The following FRYL variants were observed in gnomAD, a reference collection of about 807,000 sequenced individuals.
FRYL encodes protein furry homolog-like.
A neutral mutation model predicts 351.2 loss-of-function variants in FRYL; 150 were observed. That is an observed-to-expected ratio of 0.43 (90% CI 0.37 to 0.49). The LOEUF is 0.49. FRYL is among the 20% of genes least tolerant of loss of function. The pLI is 0.00. For missense variants in FRYL, 3,036 were observed against 3,619.3 expected, an observed-to-expected ratio of 0.84 and a Z score of 4.13; for synonymous variants, 1,153 against 1,257.1, an observed-to-expected ratio of 0.92 and a Z score of 1.75.
chr4:48,665,114 G>GT (rs1172930868), intron 3 of FRYL, among the ~76,000 whole-genome samples: 1 of 152,152 alleles, frequency 6.6e-6, no homozygotes, highest in Non-Finnish European at 1.5e-5. Flanking sequence ...TTGGGGTGTG[G>GT]TTACCTATGC....
chr4:48,727,626 TGAATATCA>T (rs1770227319), intron 1 of FRYL: 1 of 152,140 alleles, frequency 6.6e-6, no homozygotes, highest in African/African-American at 2.4e-5. Flanking sequence ...GTTCTCACAG[TGAATATCA>T]GAAAAATCCC....
At chr4:48,548,511 T>C (rs1385630364) in intron 40 of FRYL, among the ~76,000 whole-genome samples, 179 bp downstream of exon 40, 1 of 152,082 alleles carries the variant, frequency 6.6e-6, no homozygotes, top group Non-Finnish European at 1.5e-5. Context: ...TTGTTTGTGG[T>C]TAGAAGAGGG....
At chr4:48,512,894 A>C (rs1425546756) in intron 56 of FRYL, among the ~76,000 whole-genome samples, 2 of 152,124 alleles carry the variant, frequency 1.3e-5, no homozygotes, top group Non-Finnish European at 2.9e-5. Flanking sequence ...TAGAATTAGA[A>C]CTCTAATTTC....
intron 58 of FRYL, 137 bp downstream of exon 58, chr4:48,510,698 G>A: frequency 1.4e-6 from 1 of 713,982 alleles, no homozygotes; most frequent in East Asian, 2.7e-5. Flanking sequence ...TAGAATTGTA[G>A]TTTGCCACAT....
At chr4:48,514,947 C>A in intron 56 of FRYL, 81 bp downstream of exon 56, 1 of 1,228,586 alleles carries the variant, frequency 8.1e-7, no homozygotes, top group Non-Finnish European at 1.1e-6. Context: ...AGTAAGTAAA[C>A]TGAAACAGAG....
intron 3 of FRYL, among the ~76,000 whole-genome samples, chr4:48,650,545 T>C (rs554011409): frequency 6.6e-6 from 1 of 152,118 alleles, no homozygotes; most frequent in South Asian, 2.1e-4. Context: ...TAAAAATCAT[T>C]GCGATGCAGG....
chr4:48,650,796 T>C (rs1757458646), intron 3 of FRYL, among the ~76,000 whole-genome samples: 1 of 152,000 alleles, frequency 6.6e-6, no homozygotes, highest in Admixed American at 6.5e-5. Flanking sequence ...ACAGGACCAA[T>C]ATGGAAGCTG....
At chr4:48,675,550 T>C (rs1763498411) in intron 3 of FRYL, among the ~76,000 whole-genome samples, 1 of 152,234 alleles carries the variant, frequency 6.6e-6, no homozygotes, top group Non-Finnish European at 1.5e-5. Context: ...TGCGCTCGAT[T>C]TCTCACCGAG....
At chr4:48,777,701 T>C (rs1216255259) in intron 1 of FRYL, among the ~76,000 whole-genome samples, 1 of 152,264 alleles carries the variant, frequency 6.6e-6, no homozygotes, top group Non-Finnish European at 1.5e-5. Flanking sequence ...GAAATTCTTT[T>C]ATTGTTTAAA....
chr4:48,625,606 T>C (rs536149243), intron 4 of FRYL, among the ~76,000 whole-genome samples: 2 of 152,300 alleles, frequency 1.3e-5, no homozygotes, highest in South Asian at 4.1e-4. Context: ...CCAGAGATGA[T>C]TTAAAGTATA....
rs746897561 is a variant in FRYL at position 48,606,579 on chromosome 4, C to T, written c.600G>A (p.Val200=). 2.4e-5 allele frequency: 39 copies of T among 1,610,662 alleles called. No individual in the cohort carries two copies. Among genetic ancestry groups the T allele is most frequent in the Non-Finnish European group, 2.5e-5 (29 of 1,177,780 alleles). The change falls in exon 10 of 64, where the codon GTG becomes GTA. Residue 200 remains valine, a synonymous_variant. Transcript: ENST00000358350. ...TTTGTCGCAGTTCTTTTAATTCTGT[C>T]ACAAACTTCTTCCTTACAGCCTGAA... The part of the protein sequence containing the change: ...SKFQAVRKKF[V]TELKELRQKE...
chr4:48,675,425 G>C (rs536175361), intron 3 of FRYL, among the ~76,000 whole-genome samples: 1 of 152,240 alleles, frequency 6.6e-6, no homozygotes, highest in Non-Finnish European at 1.5e-5. Context: ...TGCCAGGCCC[G>C]GCACTCGGAG....
Position 48,610,705 on chromosome 4 carries a change from CAT to C in FRYL, c.412-884_412-883del, listed in dbSNP as rs556746104. ...ATATATTATATACATATATTATATACATATATATTATATACATATATTATATA... is the reference window on the plus strand; with the variant it reads ...ATATATTATATACATATATTATATACATATATTATATACATATATTATATA... On this transcript the variant is annotated intron_variant, in intron 7 of 63. Coordinates refer to ENST00000358350, the MANE Select transcript of FRYL (RefSeq NM_015030.2). Among the ~76,000 whole-genome samples the C allele has an allele frequency of 9.0e-4, 128 of 141,546 alleles. 1 individual carries two copies. The highest frequency in any genetic ancestry group is 3.1e-3 in the African/African-American group (120 of 38,668). The allele number at this position is 141,546 out of a possible 152,430, so 92.9% of individuals were successfully genotyped here. A position where few individuals can be genotyped will look rare whatever the true frequency, so the allele number is the denominator to read the frequency against.
chr4:48,645,124 T>TATATATATATATATA lies in FRYL; in HGVS notation c.-80-10635_-80-10634insTATATATATATATAT, dbSNP rs1756133820. On this transcript the variant is annotated intron_variant, in intron 3 of 63. Transcript: ENST00000358350. ...ATTAAACCAGCAGTGAGCTTTCATTTTATATATATATATATATATATATAT... is the reference window on the plus strand; with the variant it reads ...ATTAAACCAGCAGTGAGCTTTCATTTATATATATATATATATATATATATATATATATATATATAT... Among the ~76,000 whole-genome samples, 99 of 105,452 alleles carry TATATATATATATATA rather than the reference T, an allele frequency of 9.4e-4. 1 individual carries two copies. The highest frequency in any genetic ancestry group is 2.4e-3 in the African/African-American group (79 of 32,498). The allele number at this position is 105,452 out of a possible 152,430, so 69.2% of individuals were successfully genotyped here.
At chr4:48,554,503 T>A (rs1733638925) in intron 35 of FRYL, among the ~76,000 whole-genome samples, 1 of 152,170 alleles carries the variant, frequency 6.6e-6, no homozygotes, top group Non-Finnish European at 1.5e-5. Context: ...CACACCCAGA[T>A]AATTTTCGTA....
At chr4:48,571,675 A>T (rs1578173089) in intron 26 of FRYL, 2 of 985,172 alleles carry the variant, frequency 2.0e-6, no homozygotes, top group East Asian at 1.1e-4. Flanking sequence ...CTAATGACTA[A>T]TCAATTACAT....
chr4:48,546,036 C>T, intron 42 of FRYL, 31 bp downstream of exon 42: 1 of 1,586,710 alleles, frequency 6.3e-7, no homozygotes. Context: ...AACACATACA[C>T]TGCTGGGATG....
At chr4:48,668,559 A>C (rs1384504930) in intron 3 of FRYL, among the ~76,000 whole-genome samples, 1 of 152,240 alleles carries the variant, frequency 6.6e-6, no homozygotes, top group Admixed American at 6.5e-5. Flanking sequence ...TGAAAGCTAG[A>C]GGACTCTTAA....
Position 48,651,339 on chromosome 4 carries a change from G to A in FRYL, c.-80-16849C>T, listed in dbSNP as rs113698697. Among the ~76,000 whole-genome samples the A allele has an allele frequency of 3.3e-3, 369 of 110,254 alleles. 3 individuals are homozygous for A. The highest frequency in any genetic ancestry group is 0.011 in the African/African-American group (347 of 30,860). 72.3% of individuals were successfully genotyped at this position (110,254 alleles called of 152,430 possible). The stretch of plus-strand genomic sequence containing the variant: ...TGTGTGTGTGTGTGTGTGTGTGTGT[G>A]TAGTGGTAGAAACAGGATCTCAGGA... On this transcript the variant is annotated intron_variant, in intron 3 of 63. Coordinates refer to ENST00000358350, the MANE Select transcript of FRYL (RefSeq NM_015030.2).
Sources: allele counts gnomAD v4.1 joint callset (sites outside exome capture counted in the v4.1 genomes callset), GRCh38; gene constraint gnomAD v4.1.1; transcripts MANE v1.5; gene names NCBI Gene and HGNC (gene_info 2026-07-23, HGNC 2026-07-21).